IGF2BP3: variants seen among roughly 807,000 people sequenced by gnomAD.
IGF2BP3 encodes the protein insulin-like growth factor 2 mRNA-binding protein 3.
In IGF2BP3, 9 loss-of-function variants were observed where a neutral mutation model predicts 73.8. The observed-to-expected ratio is 0.12, with a 90% CI of 0.07 to 0.21. The LOEUF is 0.21. Among genes scored for constraint, IGF2BP3 ranks in the 10% least tolerant of loss-of-function variants. The pLI is 1.00. For missense variants in IGF2BP3, 542 were observed against 714.0 expected (o/e 0.76, Z 2.75); for synonymous variants, 258 against 256.7 (o/e 1.01, Z -0.05).
intron 10 of IGF2BP3, among the ~76,000 whole-genome samples, chr7:23,330,530 C>A (rs1287494944): frequency 6.6e-6 from 1 of 151,840 alleles, no homozygotes; most frequent in Non-Finnish European, 1.5e-5. Context: ...AAAGCTTAAA[C>A]CTATGATCAT....
intron 3 of IGF2BP3, chr7:23,394,597 G>C (rs1439780813): frequency 6.6e-6 from 1 of 152,200 alleles, no homozygotes; most frequent in Non-Finnish European, 1.5e-5. Flanking sequence ...ATATAGTAGA[G>C]GTGACCCTTA....
chr7:23,337,077 T>A (rs1226653766), intron 10 of IGF2BP3, among the ~76,000 whole-genome samples: 3 of 152,230 alleles, frequency 2.0e-5, no homozygotes, highest in Non-Finnish European at 2.9e-5. Flanking sequence ...ACAAAATAGT[T>A]AAGTATTAGT....
intron 6 of IGF2BP3, 89 bp downstream of exon 6, chr7:23,351,216 G>C (rs921629788): frequency 3.4e-6 from 5 of 1,459,612 alleles, no homozygotes; most frequent in Non-Finnish European, 4.7e-6. Context: ...GCTGTGTTCA[G>C]AAGGGCACCA....
chr7:23,462,654 G>C (rs573401008), intron 2 of IGF2BP3, among the ~76,000 whole-genome samples: 1 of 152,116 alleles, frequency 6.6e-6, no homozygotes, highest in Non-Finnish European at 1.5e-5. Context: ...GAGCCACCTC[G>C]CCTGGCCCAA....
chr7:23,394,914 C>T (rs1786400728), intron 3 of IGF2BP3, among the ~76,000 whole-genome samples: 1 of 152,176 alleles, frequency 6.6e-6, no homozygotes, highest in South Asian at 2.1e-4. Flanking sequence ...TGGGCAACTT[C>T]AAGTAGTGGT....
intron 3 of IGF2BP3, among the ~76,000 whole-genome samples, chr7:23,381,538 A>G (rs1045494244): frequency 1.3e-5 from 2 of 152,204 alleles, no homozygotes; most frequent in Admixed American, 6.5e-5. Context: ...TATGTTCATT[A>G]AAGTGATGGC....
At chr7:23,376,540 G>GAAAAA (rs763360484) in intron 3 of IGF2BP3, among the ~76,000 whole-genome samples, 1 of 88,680 alleles carries the variant, frequency 1.1e-5, no homozygotes. Context: ...ATCTCCCAAA[G>GAAAAA]AAAAAAAAAA....
chr7:23,451,783 A>G (rs1454430592), intron 2 of IGF2BP3, among the ~76,000 whole-genome samples: 2 of 151,228 alleles, frequency 1.3e-5, no homozygotes, highest in South Asian at 4.2e-4. Flanking sequence ...ACCCTGTCCT[A>G]CTGAAAATAC....
At chr7:23,442,587 A>G (rs950680708) in intron 2 of IGF2BP3, among the ~76,000 whole-genome samples, 14 of 151,994 alleles carry the variant, frequency 9.2e-5, no homozygotes, top group African/African-American at 2.7e-4. Context: ...CAGTAGAGAC[A>G]GGGTTTCGCC....
intron 5 of IGF2BP3, 103 bp downstream of exon 5, chr7:23,361,431 C>T (rs940447546): frequency 1.1e-6 from 1 of 870,768 alleles, no homozygotes; most frequent in Non-Finnish European, 1.8e-6. Context: ...AATAAAGTTT[C>T]TCTCTGCCAC....
intron 3 of IGF2BP3, among the ~76,000 whole-genome samples, chr7:23,388,384 G>A (rs1369302230): frequency 6.6e-6 from 1 of 152,150 alleles, no homozygotes. Context: ...AACTGACAAT[G>A]CACAGATGAA....
intron 8 of IGF2BP3, among the ~76,000 whole-genome samples, chr7:23,345,673 C>T (rs1449943125): frequency 6.6e-6 from 1 of 152,244 alleles, no homozygotes; most frequent in African/African-American, 2.4e-5. Flanking sequence ...TATATTCCAA[C>T]TTTGGGAATA....
rs145592798 is a variant in IGF2BP3 at position 23,459,735 on chromosome 7, G to A, written c.236+8747C>T. ...AATCTCAGTTACTCGGGAGGCTGAGGCAGGAGAATCACTTGAACCTGAGAG... is the reference window on the plus strand; with the variant it reads ...AATCTCAGTTACTCGGGAGGCTGAGACAGGAGAATCACTTGAACCTGAGAG... On this transcript the variant is annotated intron_variant, in intron 2 of 14. Transcript: ENST00000258729. Among the ~76,000 whole-genome samples the A allele has an allele frequency of 6.0e-3, 908 of 152,144 alleles. 6 individuals carry two copies. Among genetic ancestry groups the A allele is most frequent in the African/African-American group, 0.021 (859 of 41,484 alleles).
At chr7:23,455,415 C>T (rs1788293231) in intron 2 of IGF2BP3, among the ~76,000 whole-genome samples, 1 of 152,164 alleles carries the variant, frequency 6.6e-6, no homozygotes, top group African/African-American at 2.4e-5. Context: ...TAGCCTCTGC[C>T]TATTTTCACA....
intron 10 of IGF2BP3, among the ~76,000 whole-genome samples, chr7:23,326,573 A>G (rs1177835699): frequency 6.6e-6 from 1 of 151,916 alleles, no homozygotes; most frequent in Non-Finnish European, 1.5e-5. Context: ...CTGGGTATAT[A>G]CCCAAAGGAC....
chr7:23,336,112 T>C (rs1027895334), intron 10 of IGF2BP3, among the ~76,000 whole-genome samples: 1 of 151,748 alleles, frequency 6.6e-6, no homozygotes, highest in African/African-American at 2.4e-5. Flanking sequence ...TCTACTTTCA[T>C]GCTACAAAGC....
At position 23,319,181 on chromosome 7, in the gene IGF2BP3, T is replaced by C. The variant is rs1245403247; in HGVS notation, c.1277A>G (p.Gln426Arg). 1.2e-6 allele frequency: 2 copies of C among 1,613,950 alleles called. No homozygotes were observed. Among genetic ancestry groups the C allele is most frequent in the African/African-American group, 1.3e-5 (1 of 74,946 alleles). The change falls in exon 11 of 15, where the codon CAG (glutamine) becomes CGG (arginine). Residue 426 changes from glutamine to arginine, a missense_variant. Around this residue, in one of 2 missense-constraint regions of IGF2BP3, gnomAD observed 303 missense variants for 472.1 expected, o/e 0.64. Coordinates refer to ENST00000258729, the MANE Select transcript of IGF2BP3 (RefSeq NM_006547.3). Reference sequence around the variant, plus strand: ...AAAGCGAGAAAGCTGCTTGATGTGCTGGCCCTGCTTGCCGATGATGGCACC... The same window carrying C: ...AAAGCGAGAAAGCTGCTTGATGTGCCGGCCCTGCTTGCCGATGATGGCACC... ...SVGAIIGKQG[Q>R]HIKQLSRFAG...
At chr7:23,452,876 G>A (rs966829427) in intron 2 of IGF2BP3, among the ~76,000 whole-genome samples, 3 of 150,948 alleles carry the variant, frequency 2.0e-5, no homozygotes, top group Non-Finnish European at 4.4e-5. Context: ...CACTTTGGGA[G>A]GCCGAGGCAG....
intron 3 of IGF2BP3, among the ~76,000 whole-genome samples, chr7:23,399,084 G>T (rs1297044483): frequency 6.6e-6 from 1 of 152,126 alleles, no homozygotes; most frequent in African/African-American, 2.4e-5. Flanking sequence ...ATTAATTTTT[G>T]TATAAGGTGT....
Sources: allele counts gnomAD v4.1 joint callset (sites outside exome capture counted in the v4.1 genomes callset), GRCh38; gene constraint gnomAD v4.1.1; regional missense constraint gnomAD v4.1.1; transcripts MANE v1.5; gene names NCBI Gene and HGNC (gene_info 2026-07-23, HGNC 2026-07-21).